DNAJC10: variants seen among roughly 807,000 people sequenced by gnomAD.
The protein encoded by DNAJC10 is endoplasmic reticulum disulfide reductase DNAJC10.
DNAJC10 carries 101 observed loss-of-function variants against 115.0 expected under a neutral mutation model. The observed-to-expected ratio is 0.88, with a 90% confidence interval of 0.75 to 1.04. DNAJC10 has a LOEUF of 1.04. Ranked by LOEUF, DNAJC10 falls within the 50% of genes least tolerant of loss-of-function variation. The pLI is 0.00. For synonymous variants in DNAJC10, 307 were observed against 301.5 expected, an observed-to-expected ratio of 1.02 and a Z score of -0.19; for missense variants, 981 against 928.8, an observed-to-expected ratio of 1.06 and a Z score of -0.73.
Position 182,775,478 on chromosome 2 carries a change from A to G in DNAJC10, c.2370+58A>G, listed in dbSNP as rs934950846. On this transcript the variant is annotated intron_variant, in intron 23 of 23. Transcript: ENST00000264065. ...AAGTTGGCAAAAGTTAGCAAAATCTATTTTTCCTATACATTACATGCATCC... is the reference window on the plus strand; with the variant it reads ...AAGTTGGCAAAAGTTAGCAAAATCTGTTTTTCCTATACATTACATGCATCC... 22 of 1,087,196 alleles carry G rather than the reference A, an allele frequency of 2.0e-5. 1 individual carries two copies. Among genetic ancestry groups the G allele is most frequent in the African/African-American group, 7.9e-5 (5 of 63,616 alleles). The allele number at this position is 1,087,196 out of a possible 1,614,324, so 67.3% of individuals were successfully genotyped here.
chr2:182,769,319 A>C (rs1421496383), intron 22 of DNAJC10, among the ~76,000 whole-genome samples: 1 of 152,188 alleles, frequency 6.6e-6, no homozygotes, highest in East Asian at 1.9e-4. Context: ...AGCATGATTT[A>C]TAATCCTCTG....
intron 14 of DNAJC10, among the ~76,000 whole-genome samples, chr2:182,751,309 A>G (rs1444594617): frequency 6.6e-6 from 1 of 151,336 alleles, no homozygotes; most frequent in East Asian, 2.0e-4. Context: ...AATTTTTTGT[A>G]TTTTTAGTAG....
Position 182,758,906 on chromosome 2 carries a change from A to G in DNAJC10, c.1997+16A>G, listed in dbSNP as rs200867004. ...GGGGTCTAGGGTGAGTAATTAAAATATATATCATTGTATAAAATAGATTCA... is the reference window on the plus strand; with the variant it reads ...GGGGTCTAGGGTGAGTAATTAAAATGTATATCATTGTATAAAATAGATTCA... On this transcript the variant is annotated intron_variant, in intron 20 of 23. Transcript: ENST00000264065. 571 of 1,550,252 alleles carry G rather than the reference A, an allele frequency of 3.7e-4. 2 individuals carry two copies. The African/African-American group carries it at 4.2e-3, about 11-fold the overall frequency.
Position 182,752,132 on chromosome 2 carries a change from G to A in DNAJC10, c.1495G>A (p.Gly499Ser). ...ELRRASNLLYGQLKFGTLDCT... is the reference protein window; with the variant it reads ...ELRRASNLLYSQLKFGTLDCT... ...ACGAAGAGCATCAAATCTTCTTTAT[G>A]GTCAGCTTAAGTTTGGTACACTAGA... The change falls in exon 16 of 24, where the codon GGT becomes AGT. Residue 499 changes from glycine to serine, a missense_variant. Gly to Ser is a moderately conservative substitution (Grantham distance 56, BLOSUM62 0). Coordinates refer to ENST00000264065, the MANE Select transcript of DNAJC10 (RefSeq NM_018981.4). 6.2e-7 allele frequency: 1 copy of A among 1,613,358 alleles called. No homozygotes were observed. The highest frequency in any genetic ancestry group is 1.3e-5 in the African/African-American group (1 of 74,930).
chr2:182,754,137 T>TACA (rs1305064397), intron 16 of DNAJC10, among the ~76,000 whole-genome samples: 1 of 152,346 alleles, frequency 6.6e-6, no homozygotes, highest in African/African-American at 2.4e-5. Context: ...AATGAGAAAC[T>TACA]ACATGTTAAA....
intron 5 of DNAJC10, among the ~76,000 whole-genome samples, chr2:182,726,893 A>G (rs901896257): frequency 2.1e-5 from 3 of 141,544 alleles, no homozygotes; most frequent in Admixed American, 1.3e-4. Context: ...CACCATGTCC[A>G]GCTATTTTTA....
intron 10 of DNAJC10, among the ~76,000 whole-genome samples, chr2:182,735,097 T>C (rs1224983909): frequency 6.6e-6 from 1 of 151,842 alleles, no homozygotes; most frequent in East Asian, 1.9e-4. Context: ...TGTTTTATAG[T>C]CCTTTTTTCT....
chr2:182,739,804 C>A, intron 11 of DNAJC10: 5 of 994,450 alleles, frequency 5.0e-6, no homozygotes, highest in Middle Eastern at 1.0e-3. Flanking sequence ...TTTTCCACTT[C>A]TAAGTTCCTC....
Position 182,718,241 on chromosome 2 carries a change from G to A in DNAJC10, c.155G>A (p.Arg52Lys), listed in dbSNP as rs1207220407. 1.2e-6 allele frequency: 2 copies of A among 1,612,502 alleles called. No homozygotes were observed. Among genetic ancestry groups the A allele is most frequent in the Non-Finnish European group, 1.7e-6 (2 of 1,179,526 alleles). ...VSKTASSREI[R>K]QAFKKLALKL... is the part of the protein sequence containing the mutation. ...AAAACTGCAAGCAGTAGAGAAATAA[G>A]ACAAGCTTTCAAGAAATTGGCATTG... Residue 52 changes from arginine to lysine, a missense_variant, in exon 3 of 24, where the codon AGA becomes AAA. Physicochemically the swap from Arg to Lys is conservative, Grantham distance 26. Coordinates refer to ENST00000264065, the MANE Select transcript of DNAJC10 (RefSeq NM_018981.4).
At chr2:182,764,876 A>C (rs544648544) in intron 22 of DNAJC10, among the ~76,000 whole-genome samples, 1 of 152,252 alleles carries the variant, frequency 6.6e-6, no homozygotes, top group African/African-American at 2.4e-5. Flanking sequence ...CCATACTCTG[A>C]CCAGATGATA....
chr2:182,765,926 A>G (rs1206474110), intron 22 of DNAJC10, among the ~76,000 whole-genome samples: 2 of 152,190 alleles, frequency 1.3e-5, no homozygotes, highest in African/African-American at 2.4e-5. Context: ...TAAATGACCA[A>G]TTGCATCTTT....
At position 182,739,603 on chromosome 2, in the gene DNAJC10, G is replaced by A. The variant is rs1044959652; in HGVS notation, c.988-696G>A. On this transcript the variant is annotated intron_variant, in intron 11 of 23. Coordinates refer to ENST00000264065, the MANE Select transcript of DNAJC10 (RefSeq NM_018981.4). ...AGAGAGTTATATGACAAAATATGCT[G>A]AGGATAAAATATTGACAAATAAAGA... is the stretch of plus-strand genomic sequence containing the variant. 5 of 1,182,140 alleles carry A rather than the reference G, an allele frequency of 4.2e-6. No individual in the cohort carries two copies. The African/African-American group carries it at 6.4e-5, about 15-fold the overall frequency. The allele number at this position is 1,182,140 out of a possible 1,614,324, so 73.2% of individuals were successfully genotyped here.
chr2:182,747,670 T>C (rs1336831684), intron 14 of DNAJC10, among the ~76,000 whole-genome samples: 6 of 151,832 alleles, frequency 4.0e-5, no homozygotes, highest in African/African-American at 1.5e-4. Context: ...TCATGTCGTC[T>C]GCAAACAGGG....
At chr2:182,764,752 T>C (rs745883334) in intron 22 of DNAJC10, among the ~76,000 whole-genome samples, 2 of 152,120 alleles carry the variant, frequency 1.3e-5, no homozygotes, top group Non-Finnish European at 2.9e-5. Context: ...GCTAGTAATA[T>C]ACTCACCATG....
Position 182,758,843 on chromosome 2 carries a change from C to T in DNAJC10, c.1950C>T (p.Tyr650=), listed in dbSNP as rs760881822. The part of the protein sequence containing the change: ...KSNKAYHYHS[Y]NGWNRDAYSL... ...ACATTTTTTCTTCTCTCAGCAGTTA[C>T]AATGGTTGGAATAGGGATGCTTATT... is the stretch of plus-strand genomic sequence containing the variant. Residue 650 remains tyrosine, a synonymous_variant, in exon 20 of 24, where the codon TAC becomes TAT. Coordinates refer to ENST00000264065, the MANE Select transcript of DNAJC10 (RefSeq NM_018981.4). 1.2e-6 allele frequency: 2 copies of T among 1,606,064 alleles called. No homozygotes were observed. The highest frequency in any genetic ancestry group is 2.7e-5 in the African/African-American group (2 of 74,656).
chr2:182,786,209 C>T lies in DNAJC10; in HGVS notation c.*9077C>T, dbSNP rs1246245275. 6.6e-6 allele frequency: 1 copy of T among 152,132 alleles called. No individual in the cohort carries two copies. Among genetic ancestry groups the T allele is most frequent in the Admixed American group, 6.5e-5 (1 of 15,268 alleles). 9.4% of individuals were successfully genotyped at this position (152,132 alleles called of 1,614,324 possible). A position where few individuals can be genotyped will look rare whatever the true frequency, so the allele number is the denominator to read the frequency against. On this transcript the variant is annotated 3_prime_UTR_variant, in exon 24 of 24. Coordinates refer to ENST00000264065, the MANE Select transcript of DNAJC10 (RefSeq NM_018981.4). Reference sequence around the variant, plus strand: ...GAACCCCAAATGACAAGTGTATAATCAACTGCCAGGAAATCAGTTTACCTG... The same window carrying T: ...GAACCCCAAATGACAAGTGTATAATTAACTGCCAGGAAATCAGTTTACCTG...
In DNAJC10 at chr2:182,759,232, T is replaced by C. The variant is rs140227116; in HGVS notation, c.2070T>C (p.His690=). 58 of 1,610,608 alleles carry C rather than the reference T, an allele frequency of 3.6e-5. No individual in the cohort carries two copies. Among genetic ancestry groups the C allele is most frequent in the Middle Eastern group, 3.3e-4 (2 of 6,048 alleles). ...FSEKVLQGKN[H]WVIDFYAPWC... is the part of the protein sequence containing the mutation. ...AAAAAGTTCTACAAGGGAAAAATCA[T>C]TGGGTGATTGATTTCTATGCTCCTT... The change falls in exon 21 of 24, where the codon CAT becomes CAC. Residue 690 remains histidine (H), a synonymous_variant. Transcript: ENST00000264065.
chr2:182,747,735 T>G (rs1427848235), intron 14 of DNAJC10, among the ~76,000 whole-genome samples: 3 of 146,582 alleles, frequency 2.0e-5, no homozygotes, highest in African/African-American at 7.6e-5. Context: ...TTCTCCTGCC[T>G]AATTGCCCTG....
At chr2:182,747,822 A>G (rs1261231272) in intron 14 of DNAJC10, among the ~76,000 whole-genome samples, 10 of 147,862 alleles carry the variant, frequency 6.8e-5, no homozygotes, top group African/African-American at 2.3e-4. Flanking sequence ...TTCAAAGGGA[A>G]TGCTTCCAGT....
Sources: gnomAD v4.1 joint callset for allele counts (sites outside exome capture counted in the v4.1 genomes callset) on GRCh38, gnomAD v4.1.1 for gene constraint, MANE v1.5 for transcripts, NCBI Gene and HGNC (gene_info 2026-07-23, HGNC 2026-07-21) for gene names.